EFL1: variants seen among roughly 807,000 people sequenced by gnomAD.
EFL1 encodes the protein elongation factor like GTPase 1.
Under a neutral mutation model 126.7 loss-of-function variants are expected in EFL1, and 76 were observed. That is an observed-to-expected ratio of 0.60 (90% CI 0.50 to 0.73). The LOEUF is 0.73. Among genes scored for constraint, EFL1 ranks in the 30% least tolerant of loss-of-function variants. EFL1 has a pLI of 0.00. For synonymous variants in EFL1, 410 were observed against 448.4 expected (o/e 0.91, Z 1.08); for missense variants, 1,128 against 1,343.2 (o/e 0.84, Z 2.50).
chr15:82,135,662 G>A lies in EFL1; in HGVS notation c.3174+2996C>T, dbSNP rs79428970. Among the ~76,000 whole-genome samples the A allele has an allele frequency of 8.0e-3, 1,220 of 152,288 alleles. 20 individuals carry two copies. Among genetic ancestry groups the A allele is most frequent in the African/African-American group, 0.028 (1,160 of 41,566 alleles). ...TTATCAAAACAGACAATAGGCCATA[G>A]ATCTAAAGACTACATTTCCCAGCCT... On this transcript the variant is annotated intron_variant, in intron 19 of 19. Coordinates refer to ENST00000268206, the MANE Select transcript of EFL1 (RefSeq NM_024580.6).
intron 3 of EFL1, among the ~76,000 whole-genome samples, chr15:82,256,772 A>G (rs1416128177): frequency 6.6e-6 from 1 of 152,244 alleles, no homozygotes; most frequent in Non-Finnish European, 1.5e-5. Context: ...CCATTAATAT[A>G]GTGAAATTAC....
Position 82,130,263 on chromosome 15 carries a change from G to C in EFL1, c.*110C>G, listed in dbSNP as rs2141202820. The stretch of plus-strand genomic sequence containing the variant: ...AATATTTATATGGATCAACTTTATT[G>C]AAAGTGAATAAACAGAGATAATGTG... On this transcript the variant is annotated 3_prime_UTR_variant, in exon 20 of 20. Transcript: ENST00000268206. 1.8e-6 allele frequency: 2 copies of C among 1,137,356 alleles called. No individual in the cohort carries two copies. The highest frequency in any genetic ancestry group is 2.6e-5 in the East Asian group (1 of 39,132). The allele number at this position is 1,137,356 out of a possible 1,614,324, so 70.5% of individuals were successfully genotyped here.
At chr15:82,149,504 G>A (rs554927572) in intron 18 of EFL1, among the ~76,000 whole-genome samples, 130 of 152,282 alleles carry the variant, frequency 8.5e-4, no homozygotes, top group Non-Finnish European at 1.6e-3. Flanking sequence ...CATGTAGGAG[G>A]TAACAGTGTA....
intron 4 of EFL1, among the ~76,000 whole-genome samples, chr15:82,245,105 A>G (rs4778987): frequency 0.15 from 22,378 of 152,062 alleles, 1,909 homozygotes; most frequent in South Asian, 0.38. Flanking sequence ...CCCCAACTAT[A>G]TATAAAGTAA....
intron 14 of EFL1, among the ~76,000 whole-genome samples, chr15:82,219,261 C>G (rs1188662319): frequency 6.6e-6 from 1 of 152,188 alleles, no homozygotes; most frequent in African/African-American, 2.4e-5. Flanking sequence ...TGCCTATCCC[C>G]TGCTCACTGC....
At chr15:82,232,187 A>T (rs1250955987) in intron 7 of EFL1, among the ~76,000 whole-genome samples, 1 of 152,202 alleles carries the variant, frequency 6.6e-6, no homozygotes, top group Non-Finnish European at 1.5e-5. Flanking sequence ...ACCTAACCTT[A>T]GAAGGGAGCC....
intron 15 of EFL1, among the ~76,000 whole-genome samples, chr15:82,188,455 TTCTC>T (rs925027005): frequency 6.6e-6 from 1 of 152,186 alleles, no homozygotes; most frequent in Non-Finnish European, 1.5e-5. Flanking sequence ...CATATCTTAT[TTCTC>T]TCTCTGACTA....
At chr15:82,160,300 T>C (rs1333934221) in intron 16 of EFL1, among the ~76,000 whole-genome samples, 2 of 152,224 alleles carry the variant, frequency 1.3e-5, no homozygotes, top group African/African-American at 4.8e-5. Flanking sequence ...AACCTTCAGA[T>C]GGCTACCGCC....
chr15:82,223,035 T>C (rs2074727814), intron 12 of EFL1, among the ~76,000 whole-genome samples: 1 of 152,190 alleles, frequency 6.6e-6, no homozygotes, highest in Non-Finnish European at 1.5e-5. Context: ...TAAAGGTCAG[T>C]GTCTTCACTA....
intron 18 of EFL1, among the ~76,000 whole-genome samples, chr15:82,142,324 C>T (rs2073798018): frequency 6.6e-6 from 1 of 152,104 alleles, no homozygotes; most frequent in Non-Finnish European, 1.5e-5. Context: ...GACCCTGTCT[C>T]TAAAAAAATT....
intron 15 of EFL1, among the ~76,000 whole-genome samples, chr15:82,182,200 C>T (rs1302437731): frequency 1.3e-5 from 2 of 152,108 alleles, no homozygotes; most frequent in South Asian, 2.1e-4. Flanking sequence ...GAGGTTGTAG[C>T]GAGCTGAGAT....
intron 15 of EFL1, among the ~76,000 whole-genome samples, chr15:82,198,284 A>C (rs1454492714): frequency 6.6e-6 from 1 of 152,010 alleles, no homozygotes; most frequent in Non-Finnish European, 1.5e-5. Flanking sequence ...CAGAGAGGGG[A>C]CTTCGGCCTG....
intron 15 of EFL1, among the ~76,000 whole-genome samples, chr15:82,180,975 G>T (rs1414256350): frequency 1.3e-5 from 2 of 152,076 alleles, no homozygotes; most frequent in African/African-American, 4.8e-5. Context: ...CAATCCGTCT[G>T]CCTCGGCCTC....
chr15:82,169,411 G>T (rs1285189730), intron 15 of EFL1, among the ~76,000 whole-genome samples: 2 of 152,014 alleles, frequency 1.3e-5, no homozygotes, highest in Non-Finnish European at 2.9e-5. Flanking sequence ...ATCTTACAGA[G>T]AAATTAGAGA....
chr15:82,178,575 C>T (rs534037481), intron 15 of EFL1, among the ~76,000 whole-genome samples: 16 of 152,356 alleles, frequency 1.1e-4, no homozygotes, highest in African/African-American at 3.4e-4. Context: ...AGGTCTCAAT[C>T]AGCGGAGCAA....
intron 15 of EFL1, among the ~76,000 whole-genome samples, chr15:82,208,016 C>G (rs2074544571): frequency 6.6e-6 from 1 of 152,186 alleles, no homozygotes; most frequent in African/African-American, 2.4e-5. Context: ...CCATGGCACA[C>G]AGCCTTATCT....
At chr15:82,250,100 C>T (rs1251486517) in intron 4 of EFL1, among the ~76,000 whole-genome samples, 1 of 150,280 alleles carries the variant, frequency 6.7e-6, no homozygotes, top group African/African-American at 2.5e-5. Context: ...CATCAGGTTT[C>T]CCTCTTTTTC....
chr15:82,149,776 T>C (rs1445516923), intron 18 of EFL1, among the ~76,000 whole-genome samples: 1 of 152,112 alleles, frequency 6.6e-6, no homozygotes, highest in African/African-American at 2.4e-5. Flanking sequence ...GTACAGATGA[T>C]TGGAAACTAG....
chr15:82,151,059 C>T (rs1284984663), intron 18 of EFL1, among the ~76,000 whole-genome samples: 2 of 152,270 alleles, frequency 1.3e-5, no homozygotes, highest in African/African-American at 2.4e-5. Context: ...GAAGATGGTA[C>T]AGCTTCTGCA....
Sources: allele counts gnomAD v4.1 joint callset (sites outside exome capture counted in the v4.1 genomes callset), GRCh38; gene constraint gnomAD v4.1.1; transcripts MANE v1.5; gene names NCBI Gene and HGNC (gene_info 2026-07-23, HGNC 2026-07-21).